DBF4B: variants seen among roughly 807,000 people sequenced by gnomAD.
DBF4B encodes DBF4B-CDC7 kinase regulatory subunit, also known as protein DBF4 homolog B.
DBF4B carries 49 observed loss-of-function variants against 53.4 expected under a neutral mutation model. That is an observed-to-expected ratio of 0.92 (90% CI 0.73 to 1.16). DBF4B has a LOEUF of 1.16. DBF4B is among the 50% of genes most tolerant of loss of function. The pLI is 0.00. For synonymous variants in DBF4B, 257 were observed against 288.7 expected (o/e 0.89, Z 1.11); for missense variants, 692 against 775.0 (o/e 0.89, Z 1.27).
At chr17:44,740,065 T>G (rs954395543) in intron 9 of DBF4B, among the ~76,000 whole-genome samples, 1 of 151,992 alleles carries the variant, frequency 6.6e-6, no homozygotes, top group Non-Finnish European at 1.5e-5. Flanking sequence ...CCCAGCCTCT[T>G]GTGATTTTTT....
chr17:44,748,284 G>A (rs2049163171), intron 12 of DBF4B, 57 bp from the exon 13 acceptor site: 4 of 1,539,586 alleles, frequency 2.6e-6, no homozygotes, highest in Non-Finnish European at 2.6e-6. Flanking sequence ...CCTCAGCCCT[G>A]GCCCAGGCCT....
At chr17:44,724,865 C>T (rs909389224) in intron 3 of DBF4B, among the ~76,000 whole-genome samples, 1 of 151,872 alleles carries the variant, frequency 6.6e-6, no homozygotes, top group African/African-American at 2.4e-5. Context: ...TCCTGTAATC[C>T]CGGCACTTTG....
chr17:44,729,598 C>A (rs1055706927), intron 3 of DBF4B, among the ~76,000 whole-genome samples: 1 of 151,878 alleles, frequency 6.6e-6, no homozygotes, highest in African/African-American at 2.4e-5. Flanking sequence ...CATGCAAACT[C>A]AAACTGCTCA....
chr17:44,732,536 G>C (rs2144966505), intron 6 of DBF4B: 2 of 419,760 alleles, frequency 4.8e-6, no homozygotes, highest in Non-Finnish European at 4.3e-6. Context: ...CAGCTAGTAT[G>C]ATGATCCTGT....
Position 44,751,184 on chromosome 17 carries a change from C to G in DBF4B, c.1779C>G (p.Ala593=). The change falls in exon 14 of 14, where the codon GCC becomes GCG. Residue 593 remains alanine, a synonymous_variant. Transcript: ENST00000315005. ...ATGACCTTGGACATCTCTGCCAGGCCAAACCCCAAGGCTGGAACACTCCTC... is the reference window on the plus strand; with the variant it reads ...ATGACCTTGGACATCTCTGCCAGGCGAAACCCCAAGGCTGGAACACTCCTC... The part of the protein sequence containing the change: ...NDHDLGHLCQ[A]KPQGWNTPQP... The G allele has an allele frequency of 6.2e-7, 1 of 1,614,064 alleles. No homozygotes were observed. Among genetic ancestry groups the G allele is most frequent in the Non-Finnish European group, 8.5e-7 (1 of 1,180,008 alleles).
intron 7 of DBF4B, among the ~76,000 whole-genome samples, chr17:44,734,813 G>A (rs1421171736): frequency 6.6e-6 from 1 of 152,232 alleles, no homozygotes; most frequent in Non-Finnish European, 1.5e-5. Flanking sequence ...CATCCAAAGT[G>A]GATGGAGCAG....
At position 44,729,959 on chromosome 17, in the gene DBF4B, GAAGTA is replaced by G; in HGVS notation, c.284_288del (p.Val95GlyfsTer9). On this transcript the variant is annotated frameshift_variant, in exon 4 of 14. Coordinates refer to ENST00000315005, the MANE Select transcript of DBF4B (RefSeq NM_145663.3). LOFTEE classifies it high-confidence loss of function. Reference sequence around the variant, plus strand: ...AAGTTACATCGTGTCCAGCCGCAGAGAAGTAAAGGCAGAGAGCAGTGGGAAAAGCC... The same window carrying G: ...AAGTTACATCGTGTCCAGCCGCAGAGAAGGCAGAGAGCAGTGGGAAAAGCC... 1 of 1,614,090 alleles carries G rather than the reference GAAGTA, an allele frequency of 6.2e-7. No homozygotes were observed.
intron 3 of DBF4B, among the ~76,000 whole-genome samples, chr17:44,728,894 C>A (rs895109788): frequency 6.6e-6 from 1 of 151,988 alleles, no homozygotes; most frequent in Non-Finnish European, 1.5e-5. Context: ...GTCAGGAGTT[C>A]CAGACCAGCC....
At chr17:44,748,220 A>G in intron 12 of DBF4B, 121 bp from the exon 13 acceptor site, 1 of 1,338,082 alleles carries the variant, frequency 7.5e-7, no homozygotes, top group East Asian at 2.3e-5. Flanking sequence ...AGGGCCTCAG[A>G]GAAGGCAGCT....
rs904316467 is a variant in DBF4B at position 44,743,937 on chromosome 17, C to T, written c.830+2485C>T. ...TGATTCTTTATGTAAGAAGAGGGAACGAAGGATACACATGTACCTATATAT... is the reference window on the plus strand; with the variant it reads ...TGATTCTTTATGTAAGAAGAGGGAATGAAGGATACACATGTACCTATATAT... On this transcript the variant is annotated intron_variant, in intron 10 of 13. Coordinates refer to ENST00000315005, the MANE Select transcript of DBF4B (RefSeq NM_145663.3). Among the ~76,000 whole-genome samples the T allele has an allele frequency of 5.9e-5, 9 of 151,646 alleles. 1 individual carries two copies. Among genetic ancestry groups the T allele is most frequent in the African/African-American group, 1.2e-4 (5 of 41,250 alleles).
chr17:44,730,166 C>T lies in DBF4B; in HGVS notation c.417+70C>T, dbSNP rs1974712263. On this transcript the variant is annotated intron_variant, in intron 4 of 13. Transcript: ENST00000315005. Reference sequence around the variant, plus strand: ...GTAGGCTTTGGTGAGCCTTTTAAGGCAGTCTCTGGTTTTAATTTCATCTGG... The same window carrying T: ...GTAGGCTTTGGTGAGCCTTTTAAGGTAGTCTCTGGTTTTAATTTCATCTGG... 1.5e-5 allele frequency: 22 copies of T among 1,487,568 alleles called. No individual in the cohort carries two copies. In the South Asian group the frequency reaches 2.4e-4, roughly 16 times the overall value. The allele number at this position is 1,487,568 out of a possible 1,614,324, so 92.1% of individuals were successfully genotyped here.
At chr17:44,735,394 C>T (rs9889655) in intron 7 of DBF4B, among the ~76,000 whole-genome samples, 163 of 152,240 alleles carry the variant, frequency 1.1e-3, no homozygotes, top group African/African-American at 3.8e-3. Context: ...TTTTGTAGGC[C>T]GGGCACAGTG....
At chr17:44,723,882 G>T (rs576099728) in intron 3 of DBF4B, among the ~76,000 whole-genome samples, 1 of 152,176 alleles carries the variant, frequency 6.6e-6, no homozygotes, top group African/African-American at 2.4e-5. Flanking sequence ...AGGCTGAGGA[G>T]GACAGATCAC....
intron 2 of DBF4B, chr17:44,719,970 G>A (rs1973680943): frequency 5.0e-6 from 1 of 200,536 alleles, no homozygotes; most frequent in Non-Finnish European, 1.0e-5. Context: ...CCTTCTTAAA[G>A]TAAGCACCAG....
intron 4 of DBF4B, 89 bp from the exon 5 acceptor site, chr17:44,730,876 G>C: frequency 7.2e-7 from 1 of 1,394,166 alleles, no homozygotes; most frequent in Non-Finnish European, 1.0e-6. Flanking sequence ...ATAACCCCAA[G>C]ACATAACCCC....
At chr17:44,720,621 C>T (rs1318303754) in intron 2 of DBF4B, 2 of 155,228 alleles carry the variant, frequency 1.3e-5, no homozygotes, top group Non-Finnish European at 2.9e-5. Flanking sequence ...AAAGACTCCA[C>T]TTTTTGGCTA....
rs1334249493 is a variant in DBF4B, at chr17:44,708,829, A to G, written c.9A>G (p.Glu3=). 4.5e-6 allele frequency: 7 copies of G among 1,551,516 alleles called. No individual in the cohort carries two copies. The highest frequency in any genetic ancestry group is 5.2e-6 in the Non-Finnish European group (6 of 1,147,036). The part of the protein sequence containing the change: MS[E]PGKGDDCLEL... ...GAAGGAGCCGGCATTTGATGAGCGAACCGGGAAAGGGTACGGATGCCGGGA... is the reference window on the plus strand; with the variant it reads ...GAAGGAGCCGGCATTTGATGAGCGAGCCGGGAAAGGGTACGGATGCCGGGA... The change falls in exon 1 of 14, where the codon GAA becomes GAG. Residue 3 remains glutamate (E), a synonymous_variant. Transcript: ENST00000315005.
chr17:44,751,711 C>T lies in DBF4B; in HGVS notation c.*458C>T, dbSNP rs192340339. ...TCTATACCTACCGCCTCCTCTTCAC[C>T]TCCTTCCCTTCCACACTTCCTTCCT... is the stretch of plus-strand genomic sequence containing the variant. On this transcript the variant is annotated 3_prime_UTR_variant, in exon 14 of 14. Transcript: ENST00000315005. The T allele has an allele frequency of 6.8e-4, 975 of 1,439,514 alleles. 5 individuals are homozygous for T. The African/African-American group carries it at 0.013, about 19-fold the overall frequency. 89.2% of individuals were successfully genotyped at this position (1,439,514 alleles called of 1,614,324 possible). A position where few individuals can be genotyped will look rare whatever the true frequency, so the allele number is the denominator to read the frequency against.
At chr17:44,718,100 T>A in intron 2 of DBF4B, among the ~76,000 whole-genome samples, 1 of 151,964 alleles carries the variant, frequency 6.6e-6, no homozygotes, top group East Asian at 1.9e-4. Context: ...CATTCACATT[T>A]TACCAATTAT....
Sources: allele counts gnomAD v4.1 joint callset (sites outside exome capture counted in the v4.1 genomes callset), GRCh38; gene constraint gnomAD v4.1.1; transcripts MANE v1.5; gene names NCBI Gene and HGNC (gene_info 2026-07-23, HGNC 2026-07-21).